SBF1: variants seen among roughly 807,000 people sequenced by gnomAD.
SBF1 encodes the protein myotubularin-related protein 5.
In SBF1, 65 loss-of-function variants were observed where a neutral mutation model predicts 215.8. The observed-to-expected ratio is 0.30, with a 90% confidence interval of 0.25 to 0.37. The LOEUF is 0.37. Ranked by LOEUF, SBF1 falls within the 10% of genes least tolerant of loss-of-function variation. The pLI is 1.00. For synonymous variants in SBF1, 1,410 were observed against 1,122.8 expected (o/e 1.26, Z -5.11); for missense variants, 2,634 against 2,667.8 (o/e 0.99, Z 0.28).
chr22:50,461,330 G>GC, intron 22 of SBF1, 44 bp from the exon 23 acceptor site: 1 of 1,549,242 alleles, frequency 6.5e-7, no homozygotes, highest in Non-Finnish European at 8.8e-7. Flanking sequence ...AAGGTAAGGG[G>GC]GGGGGGGTCC....
At chr22:50,447,671 A>G in intron 38 of SBF1, 62 bp from the exon 39 acceptor site, 1 of 1,252,418 alleles carries the variant, frequency 8.0e-7, no homozygotes, top group Non-Finnish European at 1.1e-6. Flanking sequence ...CCCAGGCCCC[A>G]GCAGTCGTCC....
rs1435277771 is a variant in SBF1, at chr22:50,456,466, C to T, written c.4086+26G>A. Reference sequence around the variant, plus strand: ...GCCCCCTGCCGAGCCCCCACCCTCACCCCCCACCCCCCGCACCCCAGTCAC... The same window carrying T: ...GCCCCCTGCCGAGCCCCCACCCTCATCCCCCACCCCCCGCACCCCAGTCAC... On this transcript the variant is annotated intron_variant, in intron 30 of 40. Transcript: ENST00000380817. 4.9e-6 allele frequency: 7 copies of T among 1,438,070 alleles called. No individual in the cohort carries two copies. In the Admixed American group the frequency reaches 6.2e-5, roughly 13 times the overall value. The allele number at this position is 1,438,070 out of a possible 1,614,324, so 89.1% of individuals were successfully genotyped here.
intron 1 of SBF1, among the ~76,000 whole-genome samples, chr22:50,469,972 A>G (rs2067938572): frequency 6.6e-6 from 1 of 152,108 alleles, no homozygotes; most frequent in Non-Finnish European, 1.5e-5. Flanking sequence ...TCTGACTCAC[A>G]AAACCTCAGC....
chr22:50,459,707 C>A, intron 26 of SBF1, 41 bp from the exon 27 acceptor site: 1 of 1,543,682 alleles, frequency 6.5e-7, no homozygotes, highest in Non-Finnish European at 8.7e-7. Flanking sequence ...GGCGACCCCA[C>A]CCGCCTCCAG....
Position 50,448,285 on chromosome 22 carries a change from G to C in SBF1, c.5311C>G (p.Arg1771Gly), listed in dbSNP as rs138127298. The C allele has an allele frequency of 1.5e-5, 25 of 1,613,018 alleles. No individual in the cohort carries two copies. Among genetic ancestry groups the C allele is most frequent in the Non-Finnish European group, 2.0e-5 (24 of 1,180,002 alleles). The change falls in exon 38 of 41, where the codon CGC (arginine) becomes GGC (glycine). Residue 1771 changes from arginine (R) to glycine (G), a missense_variant. Arg to Gly is a moderately radical substitution (Grantham distance 125). Transcript: ENST00000380817. ...TTSGSRQAAR[R>G]STSTLYSQFQ... ...TGGCTGTACAGGGTGCTGGTGCTGCGGCGGGCAGCCTGACGGGAGCCGGAT... is the reference window on the plus strand; with the variant it reads ...TGGCTGTACAGGGTGCTGGTGCTGCCGCGGGCAGCCTGACGGGAGCCGGAT...
chr22:50,466,792 G>T, intron 5 of SBF1, 82 bp from the exon 6 acceptor site: 1 of 997,748 alleles, frequency 1.0e-6, no homozygotes, highest in Non-Finnish European at 1.5e-6. Flanking sequence ...TCCCCAGGCA[G>T]ACCCTGGTGT....
intron 17 of SBF1, 39 bp downstream of exon 17, chr22:50,462,831 G>C (rs747942490): frequency 1.4e-5 from 23 of 1,607,788 alleles, no homozygotes; most frequent in Non-Finnish European, 1.6e-5. Context: ...ACCAGGAAGG[G>C]GGGGCTGGGA....
Position 50,459,640 on chromosome 22 carries a change from T to G in SBF1, c.3518A>C (p.Gln1173Pro). The G allele has an allele frequency of 6.2e-7, 1 of 1,607,656 alleles. No homozygotes were observed. Among genetic ancestry groups the G allele is most frequent in the Non-Finnish European group, 8.5e-7 (1 of 1,178,020 alleles). ...RSYPGLLIVP[Q>P]SVQDNALQRV... ...CTGCAGGGCGTTGTCCTGGACACTC[T>G]GGGGCACGATCAGCAGCCCTGGGTA... The change falls in exon 27 of 41, where the codon CAG becomes CCG. Residue 1173 changes from glutamine to proline, a missense_variant. Gln to Pro is a moderately conservative substitution (Grantham distance 76). Coordinates refer to ENST00000380817, the MANE Select transcript of SBF1 (RefSeq NM_002972.4).
intron 29 of SBF1, 79 bp downstream of exon 29, chr22:50,456,955 C>T: frequency 2.5e-6 from 3 of 1,182,922 alleles, no homozygotes; most frequent in African/African-American, 1.6e-5. Context: ...GACATTAGTG[C>T]CCGCAATAAC....
chr22:50,461,817 C>T lies in SBF1; in HGVS notation c.2622G>A (p.Arg874=), dbSNP rs746260081. ...AAACCTTCTGGATGGGCGGCAGCCT[C>T]CGGCTCTCCCGCTGCACGGCCTCCA... ...ETLEAVQRES[R]RLPPIQKPKL... The change falls in exon 21 of 41, where the codon CGG becomes CGA. Residue 874 remains arginine (R), a synonymous_variant. Transcript: ENST00000380817. 3.7e-6 allele frequency: 6 copies of T among 1,613,590 alleles called. No individual in the cohort carries two copies. The highest frequency in any genetic ancestry group is 5.1e-6 in the Non-Finnish European group (6 of 1,180,008).
chr22:50,460,432 A>C, intron 24 of SBF1, 24 bp from the exon 25 acceptor site: 19 of 1,602,788 alleles, frequency 1.2e-5, no homozygotes, highest in Non-Finnish European at 1.5e-5. Flanking sequence ...GAGTCAGCAA[A>C]GGTGAGAGGA....
At position 50,461,469 on chromosome 22, in the gene SBF1, T is replaced by C. The variant is rs2067508338; in HGVS notation, c.2839+54A>G. ...GAGGGAGGCAGGGAAAGCCCATCCA[T>C]CCCAAAGACCTGGGGGAGAGGGGGC... On this transcript the variant is annotated intron_variant, in intron 22 of 40. Coordinates refer to ENST00000380817, the MANE Select transcript of SBF1 (RefSeq NM_002972.4). The C allele has an allele frequency of 2.6e-6, 4 of 1,531,248 alleles. No homozygotes were observed. The Admixed American group carries it at 5.8e-5, about 22-fold the overall frequency. The allele number at this position is 1,531,248 out of a possible 1,614,324, so 94.9% of individuals were successfully genotyped here. A position where few individuals can be genotyped will look rare whatever the true frequency, so the allele number is the denominator to read the frequency against.
chr22:50,473,098 C>T (rs899321322), intron 1 of SBF1, among the ~76,000 whole-genome samples: 6 of 152,088 alleles, frequency 3.9e-5, no homozygotes, highest in South Asian at 2.1e-4. Context: ...GTTGTGGAGC[C>T]CACTCTGCCT....
intron 36 of SBF1, among the ~76,000 whole-genome samples, chr22:50,453,551 G>T (rs2067129365): frequency 6.6e-6 from 1 of 152,202 alleles, no homozygotes; most frequent in Non-Finnish European, 1.5e-5. Flanking sequence ...ACTTTGGGAG[G>T]CCGAGGCAGG....
chr22:50,458,197 C>T (rs1026031188), intron 28 of SBF1, among the ~76,000 whole-genome samples: 3 of 149,582 alleles, frequency 2.0e-5, no homozygotes, highest in Non-Finnish European at 3.0e-5. Flanking sequence ...CCCAGCTACT[C>T]GGGAGGCTGA....
rs527671986 is a variant in SBF1 at position 50,459,838 on chromosome 22, G to C, written c.3491+114C>G. On this transcript the variant is annotated intron_variant, in intron 26 of 40. Coordinates refer to ENST00000380817, the MANE Select transcript of SBF1 (RefSeq NM_002972.4). ...CCTGTGGCCCGTCCCTCTGCCCGGA[G>C]TCTCCCCCTCCACATTCCTTACATG... 2.1e-6 allele frequency: 3 copies of C among 1,408,924 alleles called. No individual in the cohort carries two copies. In the Admixed American group the frequency reaches 5.4e-5, roughly 25 times the overall value. The allele number at this position is 1,408,924 out of a possible 1,614,324, so 87.3% of individuals were successfully genotyped here. A position where few individuals can be genotyped will look rare whatever the true frequency, so the allele number is the denominator to read the frequency against.
chr22:50,455,083 G>C lies in SBF1; in HGVS notation c.4614C>G (p.Gly1538=). 6.2e-7 allele frequency: 1 copy of C among 1,614,112 alleles called. No individual in the cohort carries two copies. The part of the protein sequence containing the change: ...EFSQFYLKFL[G]YHHVSRRFRT... Reference sequence around the variant, plus strand: ...GGAAACGGCGGGACACATGGTGGTAGCCGAGGAACTTGAGGTAGAACTGGC... The same window carrying C: ...GGAAACGGCGGGACACATGGTGGTACCCGAGGAACTTGAGGTAGAACTGGC... Residue 1538 remains glycine (G), a synonymous_variant, in exon 34 of 41, where the codon GGC becomes GGG. Transcript: ENST00000380817.
intron 15 of SBF1, 58 bp downstream of exon 15, chr22:50,464,271 C>T (rs1042618748): frequency 1.4e-6 from 2 of 1,396,884 alleles, no homozygotes; most frequent in Admixed American, 3.5e-5. Context: ...TGAAGTGCAG[C>T]CTGGGTCTCC....
intron 1 of SBF1, among the ~76,000 whole-genome samples, chr22:50,473,592 G>A (rs1486057924): frequency 1.3e-5 from 2 of 151,546 alleles, no homozygotes; most frequent in Non-Finnish European, 2.9e-5. Context: ...GGCTGGAGAC[G>A]AAGAAGATGC....
Sources: gnomAD v4.1 joint callset for allele counts (sites outside exome capture counted in the v4.1 genomes callset) on GRCh38, gnomAD v4.1.1 for gene constraint, MANE v1.5 for transcripts, NCBI Gene and HGNC (gene_info 2026-07-23, HGNC 2026-07-21) for gene names.